C12orf42: variants seen among roughly 807,000 people sequenced by gnomAD.
C12orf42 encodes the protein uncharacterized protein C12orf42.
C12orf42 carries 25 observed loss-of-function variants against 21.6 expected under a neutral mutation model. That is an observed-to-expected ratio of 1.16 (90% CI 0.84 to 1.62). The LOEUF is 1.62. Among genes scored for constraint, C12orf42 ranks in the 40% most tolerant of loss-of-function variants. The pLI, the probability that C12orf42 is intolerant of heterozygous loss-of-function variation, is 0.00. For synonymous variants in C12orf42, 174 were observed against 175.0 expected, an observed-to-expected ratio of 0.99 and a Z score of 0.05; for missense variants, 483 against 459.3, an observed-to-expected ratio of 1.05 and a Z score of -0.47.
intron 4 of C12orf42, among the ~76,000 whole-genome samples, chr12:103,291,184 A>C (rs1325215785): frequency 3.9e-5 from 6 of 152,194 alleles, no homozygotes; most frequent in African/African-American, 7.2e-5. Flanking sequence ...TGATACAGAG[A>C]AAAGGCGTAT....
At chr12:103,116,223 G>A in the C12orf42 span, among the ~76,000 whole-genome samples, 1 of 151,846 alleles carries the variant, frequency 6.6e-6, no homozygotes, top group Non-Finnish European at 1.5e-5. Context: ...AATTAGCCAG[G>A]CGTGGTGACA....
the C12orf42 span, among the ~76,000 whole-genome samples, chr12:103,067,564 C>T: frequency 6.6e-6 from 1 of 152,176 alleles, no homozygotes; most frequent in Non-Finnish European, 1.5e-5. Context: ...CCAGGATACA[C>T]AGGCCCAGGA....
intron 4 of C12orf42, among the ~76,000 whole-genome samples, chr12:103,342,981 C>A (rs1566114434): frequency 6.6e-6 from 1 of 152,190 alleles, no homozygotes; most frequent in Non-Finnish European, 1.5e-5. Flanking sequence ...GCTGTCAGAG[C>A]TGTTTTACCA....
chr12:103,216,486 T>A, the C12orf42 span, among the ~76,000 whole-genome samples: 1 of 151,740 alleles, frequency 6.6e-6, no homozygotes, highest in Admixed American at 6.6e-5. Context: ...TTCTCCTGCC[T>A]CAGCCTCCCG....
At chr12:103,503,509 T>C in the C12orf42 span, 1 of 152,442 alleles carries the variant, frequency 6.6e-6, no homozygotes, top group East Asian at 1.9e-4. Context: ...ATAAGGACCC[T>C]GGTCACGCTG....
the C12orf42 span, among the ~76,000 whole-genome samples, chr12:103,157,048 A>C: frequency 6.6e-6 from 1 of 152,214 alleles, no homozygotes; most frequent in Non-Finnish European, 1.5e-5. Flanking sequence ...AGGAATCGCC[A>C]CACTGTCTTC....
the C12orf42 span, among the ~76,000 whole-genome samples, chr12:103,206,632 C>T: frequency 2.6e-5 from 4 of 152,070 alleles, no homozygotes; most frequent in African/African-American, 7.2e-5. Context: ...CTCACTGTCT[C>T]GCCCAAGCTA....
the C12orf42 span, among the ~76,000 whole-genome samples, chr12:103,111,401 C>G: frequency 6.6e-6 from 1 of 152,120 alleles, no homozygotes; most frequent in Non-Finnish European, 1.5e-5. Context: ...TCTTTTATGC[C>G]TTCTATTTAG....
chr12:103,547,205 CTGGCTACATAA>C, the C12orf42 span, among the ~76,000 whole-genome samples: 1 of 152,214 alleles, frequency 6.6e-6, no homozygotes, highest in South Asian at 2.1e-4. Context: ...GAGGTAGTCA[CTGGCTACATAA>C]TGGCTATTTA....
chr12:103,259,066 A>G (rs977535918), intron 10 of C12orf42, among the ~76,000 whole-genome samples: 2 of 152,212 alleles, frequency 1.3e-5, no homozygotes, highest in African/African-American at 2.4e-5. Flanking sequence ...TTCTTGGTAC[A>G]TGGATAGGCA....
At chr12:103,485,127 C>G (rs550052538) in intron 1 of C12orf42, among the ~76,000 whole-genome samples, 204 of 152,272 alleles carry the variant, frequency 1.3e-3, no homozygotes, top group Non-Finnish European at 2.5e-3. Context: ...CCTCGGCCTC[C>G]CAAAGTGCTG....
At chr12:103,349,939 G>A (rs1282216051) in intron 4 of C12orf42, among the ~76,000 whole-genome samples, 1 of 151,784 alleles carries the variant, frequency 6.6e-6, no homozygotes, top group African/African-American at 2.4e-5. Flanking sequence ...GCTTTACAAA[G>A]GAATTAAAAT....
intron 4 of C12orf42, among the ~76,000 whole-genome samples, chr12:103,322,373 A>T (rs1337168458): frequency 6.6e-6 from 1 of 152,150 alleles, no homozygotes; most frequent in Non-Finnish European, 1.5e-5. Flanking sequence ...CTTAGGACTT[A>T]ACAGACCACA....
intron 1 of C12orf42, 134 bp from the exon 2 acceptor site, chr12:103,478,581 TA>T: frequency 4.9e-6 from 2 of 407,002 alleles, no homozygotes; most frequent in East Asian, 4.4e-5. Context: ...TGACTTTCAA[TA>T]ATTTTTTTTT....
At chr12:103,078,226 C>T in the C12orf42 span, among the ~76,000 whole-genome samples, 1 of 152,272 alleles carries the variant, frequency 6.6e-6, no homozygotes, top group Non-Finnish European at 1.5e-5. Context: ...TCCTCACCAT[C>T]TTAATAATTG....
intron 3 of C12orf42, among the ~76,000 whole-genome samples, chr12:103,385,286 T>A (rs1294894519): frequency 6.6e-6 from 1 of 152,214 alleles, no homozygotes; most frequent in Non-Finnish European, 1.5e-5. Flanking sequence ...TTAGCAAACA[T>A]ACTTACCATT....
chr12:103,277,584 A>G (rs1759142794), intron 4 of C12orf42, among the ~76,000 whole-genome samples: 1 of 151,614 alleles, frequency 6.6e-6, no homozygotes, highest in African/African-American at 2.4e-5. Context: ...ATAAAAATTC[A>G]TCTGACCTTG....
At chr12:103,095,275 T>C in the C12orf42 span, among the ~76,000 whole-genome samples, 1 of 152,202 alleles carries the variant, frequency 6.6e-6, no homozygotes, top group African/African-American at 2.4e-5. Flanking sequence ...TAAAGTCTAG[T>C]GCTCTTATAC....
chr12:103,471,793 A>T (rs1713243345), intron 2 of C12orf42, among the ~76,000 whole-genome samples: 1 of 152,240 alleles, frequency 6.6e-6, no homozygotes, highest in Admixed American at 6.5e-5. Flanking sequence ...AAACATCTTG[A>T]CATGTATATA....
Sources: allele counts gnomAD v4.1 joint callset (sites outside exome capture counted in the v4.1 genomes callset), GRCh38; gene constraint gnomAD v4.1.1; transcripts MANE v1.5; gene names NCBI Gene and HGNC (gene_info 2026-07-23, HGNC 2026-07-21).